IQSEC2: variants seen among roughly 807,000 people sequenced by gnomAD.
IQSEC2 encodes IQ motif and SEC7 domain-containing protein 2.
Under a neutral mutation model 74.6 loss-of-function variants are expected in IQSEC2, and 6 were observed. The ratio of observed to expected loss-of-function variants is 0.08; its 90% CI spans 0.04 to 0.16. IQSEC2 has a LOEUF of 0.16. Ranked by LOEUF, IQSEC2 falls within the 10% of genes least tolerant of loss-of-function variation. IQSEC2 has a pLI of 1.00. For synonymous variants in IQSEC2, 494 were observed against 544.5 expected, an observed-to-expected ratio of 0.91 and a Z score of 1.29; for missense variants, 734 against 1,306.2, an observed-to-expected ratio of 0.56 and a Z score of 6.75.
chrX:53,279,237 C>A, intron 2 of IQSEC2: 1 of 242,844 alleles, frequency 4.1e-6, no homozygotes, highest in Non-Finnish European at 7.4e-6. Flanking sequence ...GTTCCCTCTG[C>A]CTAACTGCCC....
chrX:53,248,338 T>A, intron 6 of IQSEC2, 102 bp from the exon 7 acceptor site: 1 of 1,020,952 alleles, frequency 9.8e-7, no homozygotes, highest in Non-Finnish European at 1.3e-6. Context: ...ACTGATAGAC[T>A]CTCAAATTCA....
intron 2 of IQSEC2, chrX:53,279,758 G>A (rs782590438): frequency 3.6e-5 from 19 of 530,290 alleles, no homozygotes; most frequent in South Asian, 1.3e-4. Flanking sequence ...GAGTGAGTGC[G>A]GGAGGGGAAA....
Position 53,300,025 on chromosome X carries a change from T to TG in IQSEC2, c.708-8102dup, listed in dbSNP as rs782288783. Among the ~76,000 whole-genome samples the TG allele has an allele frequency of 2.1e-3, 158 of 74,783 alleles. 2 individuals are homozygous for TG. The highest frequency in any genetic ancestry group is 1.0e-2 in the East Asian group (23 of 2,303). 64.9% of individuals were successfully genotyped at this position (74,783 alleles called of 115,157 possible). A position where few individuals can be genotyped will look rare whatever the true frequency, so the allele number is the denominator to read the frequency against. On this transcript the variant is annotated intron_variant, in intron 1 of 14. Transcript: ENST00000642864. ...TCCTCCCACCTCAGCCTCCCAAAGT[T>TG]GGGGGGGGAATTACAGTCATGAACC...
intron 2 of IQSEC2, among the ~76,000 whole-genome samples, chrX:53,269,211 C>G (rs1320717052): frequency 8.9e-6 from 1 of 112,300 alleles, no homozygotes; most frequent in African/African-American, 3.2e-5. Flanking sequence ...TCAAGTGCCA[C>G]TTCCTAAGGA....
intron 2 of IQSEC2, among the ~76,000 whole-genome samples, chrX:53,256,876 G>A (rs1432476394): frequency 2.7e-5 from 3 of 112,467 alleles, no homozygotes; most frequent in Non-Finnish European, 5.6e-5. Context: ...CGCGTGGCAG[G>A]AGCTGGGCCC....
chrX:53,272,533 A>C (rs1248673196), intron 2 of IQSEC2, among the ~76,000 whole-genome samples: 7 of 111,304 alleles, frequency 6.3e-5, no homozygotes, highest in African/African-American at 2.3e-4. Flanking sequence ...GTGAGTGACA[A>C]AGTTGGGACT....
At chrX:53,240,606 C>T (rs1556860650) in intron 10 of IQSEC2, among the ~76,000 whole-genome samples, 1 of 112,016 alleles carries the variant, frequency 8.9e-6, no homozygotes, top group African/African-American at 3.2e-5. Context: ...CAACTGGCTG[C>T]CTTAGAGGAA....
chrX:53,312,602 G>A (rs1268564851), intron 1 of IQSEC2, among the ~76,000 whole-genome samples: 6 of 111,846 alleles, frequency 5.4e-5, no homozygotes, highest in African/African-American at 2.0e-4. Flanking sequence ...AATGGCTATC[G>A]CTGAGTAAAC....
intron 1 of IQSEC2, among the ~76,000 whole-genome samples, chrX:53,317,221 A>G (rs1207583313): frequency 8.9e-6 from 1 of 112,108 alleles, no homozygotes; most frequent in Non-Finnish European, 1.9e-5. Flanking sequence ...CAACGACTAA[A>G]AAGCAAGCAA....
downstream of IQSEC2, chrX:53,226,454 C>T (rs1324122550): frequency 8.0e-5 from 9 of 112,683 alleles, no homozygotes; most frequent in Admixed American, 8.5e-4. Context: ...ACATCCTTAG[C>T]ACTTGGCATG....
At position 53,256,027 on chromosome X, in the gene IQSEC2, T is replaced by C. The variant is rs782759041; in HGVS notation, c.772A>G (p.Thr258Ala). The C allele has an allele frequency of 1.7e-6, 2 of 1,179,851 alleles. No individual in the cohort carries two copies. Among genetic ancestry groups the C allele is most frequent in the Non-Finnish European group, 2.3e-6 (2 of 879,250 alleles). Residue 258 changes from threonine to alanine, a missense_variant, in exon 3 of 15, where the codon ACA (threonine) becomes GCA (alanine). Thr to Ala is a moderately conservative substitution (Grantham distance 58, BLOSUM62 0). This residue lies in a region of IQSEC2 where 54 missense variants were observed against 62.1 expected (regional missense o/e 0.87). Transcript: ENST00000642864. Reference sequence around the variant, plus strand: ...TGGCTCCCAGGACTATCAACCGCTGTGCTCAGGTCACTGCCTGGGGCATCA... The same window carrying C: ...TGGCTCCCAGGACTATCAACCGCTGCGCTCAGGTCACTGCCTGGGGCATCA... ...EGDAPGSDLSTAVDSPGSQPP... is the reference protein window; with the variant it reads ...EGDAPGSDLSAAVDSPGSQPP...
chrX:53,276,754 G>A lies in IQSEC2; in HGVS notation c.737+15141C>T, dbSNP rs782066292. Among the ~76,000 whole-genome samples, 20 of 112,332 alleles carry A rather than the reference G, an allele frequency of 1.8e-4. No homozygotes were observed. The South Asian group carries it at 7.3e-3, about 41-fold the overall frequency. On this transcript the variant is annotated intron_variant, in intron 2 of 14. Coordinates refer to ENST00000642864, the MANE Select transcript of IQSEC2 (RefSeq NM_001111125.3). ...GCTTACTATTTAGTCATCTATTACT[G>A]TGTAACAAACTACCCCAATACAGCA...
intron 1 of IQSEC2, among the ~76,000 whole-genome samples, chrX:53,316,466 G>A (rs1165197915): frequency 9.0e-6 from 1 of 110,966 alleles, no homozygotes; most frequent in Non-Finnish European, 1.9e-5. Context: ...CTTAGCCCCT[G>A]CGGGGAGCAT....
Position 53,234,072 on chromosome X carries a change from G to A in IQSEC2, c.*147C>T, listed in dbSNP as rs1313406288. On this transcript the variant is annotated 3_prime_UTR_variant, in exon 15 of 15. Coordinates refer to ENST00000642864, the MANE Select transcript of IQSEC2 (RefSeq NM_001111125.3). ...TGGCAACTGCTGGGGGTGAGAGGAC[G>A]GGTCCCAAGGCAGGGAGGACATGGG... is the stretch of plus-strand genomic sequence containing the variant. The A allele has an allele frequency of 3.2e-5, 10 of 309,017 alleles. No homozygotes were observed. Among genetic ancestry groups the A allele is most frequent in the Non-Finnish European group, 5.2e-5 (9 of 173,458 alleles). The allele number at this position is 309,017 out of a possible 1,213,427, so 25.5% of individuals were successfully genotyped here.
At chrX:53,305,357 G>A (rs1373603699) in intron 1 of IQSEC2, among the ~76,000 whole-genome samples, 1 of 110,682 alleles carries the variant, frequency 9.0e-6, no homozygotes, top group Admixed American at 9.7e-5. Flanking sequence ...AAGACTACAG[G>A]CATACACCAC....
At chrX:53,307,295 C>CT (rs60909741) in intron 1 of IQSEC2, among the ~76,000 whole-genome samples, 1,734 of 55,863 alleles carry the variant, frequency 0.031, 114 homozygotes, top group African/African-American at 0.081. Flanking sequence ...TTCTTTCTTT[C>CT]TTTTTTTTTT....
In IQSEC2 at chrX:53,248,131, T is replaced by G. The variant is rs1602279324; in HGVS notation, c.2565A>C (p.Arg855=). 8.3e-7 allele frequency: 1 copy of G among 1,210,411 alleles called. No homozygotes were observed. Among genetic ancestry groups the G allele is most frequent in the South Asian group, 1.8e-5 (1 of 56,675 alleles). The change falls in exon 7 of 15, where the codon CGA becomes CGC. Residue 855 remains arginine (R), a synonymous_variant. Transcript: ENST00000642864. The stretch of plus-strand genomic sequence containing the variant: ...AGGCACACCTGAAGGCTTCGATGAG[T>G]CGCTCCACTTTCTGGGCCTCACCCT... ...RVQGEAQKVE[R]LIEAFSQRYC...
intron 1 of IQSEC2, among the ~76,000 whole-genome samples, chrX:53,306,401 A>G (rs781857905): frequency 1.8e-5 from 2 of 111,047 alleles, no homozygotes; most frequent in South Asian, 7.8e-4. Flanking sequence ...TCCTCGGCTG[A>G]GGGCTCGCTT....
chrX:53,236,416 C>T lies in IQSEC2; in HGVS notation c.3357G>A (p.Thr1119=), dbSNP rs1041874158. 21 of 1,203,941 alleles carry T rather than the reference C, an allele frequency of 1.7e-5. No homozygotes were observed. Among genetic ancestry groups the T allele is most frequent in the African/African-American group, 3.5e-5 (2 of 57,400 alleles). The part of the protein sequence containing the change: ...PGGAKDSVNG[T]MARSSLEDTY... ...TGTCCTCCAGGCTACTGCGGGCCATCGTCCCATTCACTGAGTCCTTGGCCC... is the reference window on the plus strand; with the variant it reads ...TGTCCTCCAGGCTACTGCGGGCCATTGTCCCATTCACTGAGTCCTTGGCCC... The change falls in exon 13 of 15, where the codon ACG becomes ACA. Residue 1119 remains threonine (T), a synonymous_variant. Transcript: ENST00000642864.
Sources: allele counts gnomAD v4.1 joint callset (sites outside exome capture counted in the v4.1 genomes callset), GRCh38; gene constraint gnomAD v4.1.1; regional missense constraint gnomAD v4.1.1; transcripts MANE v1.5; gene names NCBI Gene and HGNC (gene_info 2026-07-23, HGNC 2026-07-21).